WDR47: variants seen among roughly 807,000 people sequenced by gnomAD.
WDR47 encodes WD repeat domain 47.
A neutral mutation model predicts 97.2 loss-of-function variants in WDR47; 32 were observed. The ratio of observed to expected loss-of-function variants is 0.33; its 90% confidence interval spans 0.25 to 0.44. The LOEUF is 0.44. Ranked by LOEUF, WDR47 falls within the 20% of genes least tolerant of loss-of-function variation. The pLI is 1.00. For synonymous variants in WDR47, 375 were observed against 373.5 expected, an observed-to-expected ratio of 1.00 and a Z score of -0.05; for missense variants, 782 against 1,102.3, an observed-to-expected ratio of 0.71 and a Z score of 4.11.
At chr1:109,000,620 G>A (rs1392597545) in intron 7 of WDR47, among the ~76,000 whole-genome samples, 4 of 151,264 alleles carry the variant, frequency 2.6e-5, no homozygotes, top group Non-Finnish European at 5.9e-5. Context: ...AGGCTGCAGC[G>A]AGCCGTGATC....
At chr1:109,012,979 A>T (rs1463684694) in intron 4 of WDR47, among the ~76,000 whole-genome samples, 1 of 152,128 alleles carries the variant, frequency 6.6e-6, no homozygotes, top group African/African-American at 2.4e-5. Flanking sequence ...TAAAATTCCT[A>T]TGTTGAAATC....
intron 1 of WDR47, among the ~76,000 whole-genome samples, chr1:109,034,376 C>G (rs529723839): frequency 6.6e-5 from 10 of 152,154 alleles, no homozygotes; most frequent in Non-Finnish European, 1.5e-4. Context: ...AAAATGTTCC[C>G]TGAAAATTTA....
At chr1:108,972,247 C>T (rs919088361) in intron 14 of WDR47, among the ~76,000 whole-genome samples, 7 of 152,052 alleles carry the variant, frequency 4.6e-5, no homozygotes, top group African/African-American at 1.7e-4. Context: ...CTGATCCAAA[C>T]AAAATATATC....
chr1:109,033,002 A>G (rs1662703279), intron 1 of WDR47, among the ~76,000 whole-genome samples: 1 of 152,056 alleles, frequency 6.6e-6, no homozygotes, highest in African/African-American at 2.4e-5. Context: ...ACACACATAA[A>G]GAGTTAAATG....
intron 1 of WDR47, among the ~76,000 whole-genome samples, chr1:109,032,098 C>T (rs1326871614): frequency 7.2e-6 from 1 of 139,004 alleles, no homozygotes; most frequent in Non-Finnish European, 1.6e-5. Flanking sequence ...CTGCACCTGG[C>T]CTCAATCTTT....
At position 109,011,722 on chromosome 1, in the gene WDR47, T is replaced by C; in HGVS notation, c.328-4A>G. The stretch of plus-strand genomic sequence containing the variant: ...CTTCTTGCATGGTAAATTCCAGCTG[T>C]AAGAAAAATATAAATGATCAAATAA... On this transcript the variant is annotated splice_polypyrimidine_tract_variant and splice_region_variant and intron_variant, in intron 4 of 14. Transcript: ENST00000369962. 6 of 1,568,748 alleles carry C rather than the reference T, an allele frequency of 3.8e-6. No individual in the cohort carries two copies. The highest frequency in any genetic ancestry group is 5.2e-6 in the Non-Finnish European group (6 of 1,158,146).
chr1:108,975,749 G>A (rs1285078751), intron 13 of WDR47, among the ~76,000 whole-genome samples: 5 of 151,496 alleles, frequency 3.3e-5, no homozygotes, highest in Admixed American at 2.0e-4. Context: ...AAAAAAATGG[G>A]ACACAAGTTA....
intron 1 of WDR47, among the ~76,000 whole-genome samples, chr1:109,037,573 GCTGAGATCGCACCA>G (rs1055553704): frequency 6.8e-6 from 1 of 147,968 alleles, no homozygotes; most frequent in Non-Finnish European, 1.5e-5. Flanking sequence ...CTTGCAGTGA[GCTGAGATCGCACCA>G]CTGCACTCCA....
intron 2 of WDR47, 23 bp downstream of exon 2, chr1:109,023,332 T>G: frequency 3.1e-6 from 5 of 1,603,404 alleles, no homozygotes; most frequent in Non-Finnish European, 4.3e-6. Flanking sequence ...AGCTACAAAC[T>G]TCACAGTATA....
intron 2 of WDR47, among the ~76,000 whole-genome samples, chr1:109,021,280 C>T (rs760240400): frequency 9.9e-5 from 15 of 152,198 alleles, no homozygotes; most frequent in African/African-American, 3.1e-4. Context: ...GTAATCCCAG[C>T]ACTTTGGGAG....
In WDR47 at chr1:109,010,922, G is replaced by C. The variant is rs1660995369; in HGVS notation, c.1124C>G (p.Pro375Arg). The part of the protein sequence containing the change: ...TECHSIYEES[P>R]ERDTPVDAQR... ...TTTATAACCAAATGCTTACCGCTCA[G>C]GGGATTCTTCGTAAATACTGTGACA... Residue 375 changes from proline to arginine, a missense_variant, in exon 5 of 15, where the codon CCT (proline) becomes CGT (arginine). Physicochemically the swap from Pro to Arg is moderately radical, Grantham distance 103 (BLOSUM62 -2). This residue lies in a region of WDR47 where 428 missense variants were observed against 584.3 expected (regional missense o/e 0.73). Coordinates refer to ENST00000369962, the MANE Select transcript of WDR47 (RefSeq NM_001142551.2). The C allele has an allele frequency of 6.2e-7, 1 of 1,610,322 alleles. No homozygotes were observed. Among genetic ancestry groups the C allele is most frequent in the Non-Finnish European group, 8.5e-7 (1 of 1,177,482 alleles).
intron 10 of WDR47, among the ~76,000 whole-genome samples, chr1:108,983,745 A>T (rs2101822898): frequency 6.6e-6 from 1 of 150,920 alleles, no homozygotes; most frequent in Middle Eastern, 3.4e-3. Flanking sequence ...TTAAACTCAG[A>T]AACAAAAAAA....
chr1:109,037,350 A>T (rs989470444), intron 1 of WDR47, among the ~76,000 whole-genome samples: 2 of 150,428 alleles, frequency 1.3e-5, no homozygotes, highest in African/African-American at 4.9e-5. Flanking sequence ...AACAAAAAAC[A>T]AAACAAGACT....
At chr1:109,006,983 GC>G (rs1463485936) in intron 5 of WDR47, among the ~76,000 whole-genome samples, 1 of 151,856 alleles carries the variant, frequency 6.6e-6, no homozygotes, top group Non-Finnish European at 1.5e-5. Flanking sequence ...TGTCACCCAG[GC>G]TGGAGTACAG....
chr1:109,005,181 C>T (rs763888133), intron 5 of WDR47, among the ~76,000 whole-genome samples: 3 of 152,146 alleles, frequency 2.0e-5, no homozygotes, highest in African/African-American at 2.4e-5. Flanking sequence ...GCAGGCAGCT[C>T]GCTTGAGCTA....
Position 108,986,505 on chromosome 1 carries a change from C to T in WDR47, c.1925+18G>A. ...AAAAACTAAGGTAAGAATGGCAGCA[C>T]AAATCATTGATCCTTACCTTGGATC... On this transcript the variant is annotated intron_variant, in intron 10 of 14. Transcript: ENST00000369962. 1 of 1,583,770 alleles carries T rather than the reference C, an allele frequency of 6.3e-7. No individual in the cohort carries two copies. The highest frequency in any genetic ancestry group is 8.6e-7 in the Non-Finnish European group (1 of 1,164,120).
intron 5 of WDR47, among the ~76,000 whole-genome samples, chr1:109,009,297 A>G (rs1557943374): frequency 6.6e-6 from 1 of 152,202 alleles, no homozygotes; most frequent in African/African-American, 2.4e-5. Flanking sequence ...TCATGGGTTT[A>G]CTGGAAAAAT....
chr1:108,994,347 A>T (rs1659593757), intron 8 of WDR47, among the ~76,000 whole-genome samples: 1 of 152,196 alleles, frequency 6.6e-6, no homozygotes, highest in Admixed American at 6.6e-5. Flanking sequence ...CAGTGAGCTG[A>T]GATTACACCA....
At chr1:109,037,422 A>G (rs912054668) in intron 1 of WDR47, among the ~76,000 whole-genome samples, 7 of 151,856 alleles carry the variant, frequency 4.6e-5, no homozygotes, top group African/African-American at 1.5e-4. Context: ...GCAGATCACG[A>G]GGTCAGGAGA....
Sources: allele counts gnomAD v4.1 joint callset (sites outside exome capture counted in the v4.1 genomes callset), GRCh38; gene constraint gnomAD v4.1.1; regional missense constraint gnomAD v4.1.1; transcripts MANE v1.5; gene names NCBI Gene and HGNC (gene_info 2026-07-23, HGNC 2026-07-21).